The following GPR158 variants were observed in gnomAD, a reference collection of about 807,000 sequenced individuals.
The protein encoded by GPR158 is metabotropic glycine receptor.
A neutral mutation model predicts 78.2 loss-of-function variants in GPR158; 30 were observed. That is an observed-to-expected ratio of 0.38 (90% CI 0.29 to 0.52). GPR158 has a LOEUF of 0.52. Ranked by LOEUF, GPR158 falls within the 20% of genes least tolerant of loss-of-function variation. GPR158 has a pLI of 0.83. For synonymous variants in GPR158, 581 were observed against 591.1 expected (o/e 0.98, Z 0.25); for missense variants, 1,463 against 1,523.5 (o/e 0.96, Z 0.66).
At chr10:25,226,819 T>C (rs1384319325) in intron 2 of GPR158, among the ~76,000 whole-genome samples, 1 of 152,210 alleles carries the variant, frequency 6.6e-6, no homozygotes, top group African/African-American at 2.4e-5. Context: ...CTCTAATGCA[T>C]GGCCATCGCT....
At chr10:25,187,231 C>G (rs961479676) in intron 1 of GPR158, among the ~76,000 whole-genome samples, 3 of 151,804 alleles carry the variant, frequency 2.0e-5, no homozygotes, top group African/African-American at 4.8e-5. Context: ...TCCCAAAGTG[C>G]TGGGATTACA....
chr10:25,381,907 T>A (rs1303048823), intron 2 of GPR158, among the ~76,000 whole-genome samples: 1 of 152,232 alleles, frequency 6.6e-6, no homozygotes. Flanking sequence ...CAGGTCCAAT[T>A]TTTGTTTTTG....
rs566726246 is a variant in GPR158 at position 25,490,500 on chromosome 10, A to T, written c.1404+23781A>T. Among the ~76,000 whole-genome samples, 64 of 117,678 alleles carry T rather than the reference A, an allele frequency of 5.4e-4. No homozygotes were observed. The Middle Eastern group carries it at 0.013, about 25-fold the overall frequency. 77.2% of individuals were successfully genotyped at this position (117,678 alleles called of 152,430 possible). On this transcript the variant is annotated intron_variant, in intron 5 of 10. Coordinates refer to ENST00000376351, the MANE Select transcript of GPR158 (RefSeq NM_020752.3). ...ATATTCCCCTTCCTGTGTCCATGTGATCTCATTGTTCAATTCCCACCTATG... is the reference window on the plus strand; with the variant it reads ...ATATTCCCCTTCCTGTGTCCATGTGTTCTCATTGTTCAATTCCCACCTATG...
At chr10:25,250,907 G>A (rs2130721062) in intron 2 of GPR158, among the ~76,000 whole-genome samples, 1 of 151,734 alleles carries the variant, frequency 6.6e-6, no homozygotes, top group Non-Finnish European at 1.5e-5. Flanking sequence ...AATGTTGACA[G>A]TGGGGTGTTA....
At chr10:25,430,590 C>T (rs968407418) in intron 4 of GPR158, among the ~76,000 whole-genome samples, 7 of 151,100 alleles carry the variant, frequency 4.6e-5, no homozygotes, top group African/African-American at 1.7e-4. Flanking sequence ...CTGGAGGCAT[C>T]ATGCTACCTA....
intron 1 of GPR158, among the ~76,000 whole-genome samples, chr10:25,218,469 C>T (rs1853250473): frequency 6.6e-6 from 1 of 152,176 alleles, no homozygotes; most frequent in African/African-American, 2.4e-5. Flanking sequence ...TAGCCGATGT[C>T]TGAGTAAGCT....
chr10:25,538,340 T>C (rs1836527988), intron 5 of GPR158, among the ~76,000 whole-genome samples: 1 of 152,188 alleles, frequency 6.6e-6, no homozygotes, highest in Non-Finnish European at 1.5e-5. Flanking sequence ...ATTTTCCCCA[T>C]TAGCTTTTAT....
chr10:25,274,160 A>G (rs1854153299), intron 2 of GPR158, among the ~76,000 whole-genome samples: 1 of 152,158 alleles, frequency 6.6e-6, no homozygotes, highest in Non-Finnish European at 1.5e-5. Flanking sequence ...TATTTACACA[A>G]CACCAAAGAT....
chr10:25,237,918 A>C (rs1853546219), intron 2 of GPR158, among the ~76,000 whole-genome samples: 4 of 141,872 alleles, frequency 2.8e-5, no homozygotes, highest in African/African-American at 5.2e-5. Context: ...CTCCTTTTCC[A>C]CCTCCCTCTT....
At chr10:25,470,774 C>T (rs747929487) in intron 5 of GPR158, among the ~76,000 whole-genome samples, 11 of 152,028 alleles carry the variant, frequency 7.2e-5, no homozygotes, top group Admixed American at 2.6e-4. Flanking sequence ...ATCAGATCAC[C>T]TAATAAAGAA....
At chr10:25,385,038 T>C (rs1165359863) in intron 2 of GPR158, among the ~76,000 whole-genome samples, 5 of 152,220 alleles carry the variant, frequency 3.3e-5, no homozygotes, top group African/African-American at 1.2e-4. Flanking sequence ...TAATGTTATT[T>C]ATATTCATTG....
chr10:25,371,958 C>A (rs1833999964), intron 2 of GPR158, among the ~76,000 whole-genome samples: 1 of 150,850 alleles, frequency 6.6e-6, no homozygotes, highest in African/African-American at 2.5e-5. Flanking sequence ...ACCTACTCAT[C>A]TGACAAAGGG....
rs369528441 is a variant in GPR158 at position 25,349,581 on chromosome 10, C to T, written c.1009-46330C>T. Among the ~76,000 whole-genome samples, 93 of 146,530 alleles carry T rather than the reference C, an allele frequency of 6.3e-4. 8 individuals carry two copies. Among genetic ancestry groups the T allele is most frequent in the Admixed American group, 1.1e-3 (16 of 15,028 alleles). On this transcript the variant is annotated intron_variant, in intron 2 of 10. Transcript: ENST00000376351. ...TAGTACTTCCTTTAGCTCTCTCTTT[C>T]CTGCTCCATCATGGCAAGACATGTT...
chr10:25,529,734 C>T (rs1319719448), intron 5 of GPR158, among the ~76,000 whole-genome samples: 1 of 152,180 alleles, frequency 6.6e-6, no homozygotes, highest in Non-Finnish European at 1.5e-5. Context: ...TATGCCTTGG[C>T]CTGAGAAAAG....
intron 2 of GPR158, among the ~76,000 whole-genome samples, chr10:25,380,939 G>A (rs941586083): frequency 3.3e-5 from 5 of 152,194 alleles, no homozygotes; most frequent in Non-Finnish European, 7.3e-5. Context: ...TCTAATCTGG[G>A]CTTCTGCAGT....
chr10:25,404,232 CT>C (rs1834482676), intron 3 of GPR158, among the ~76,000 whole-genome samples: 1 of 152,016 alleles, frequency 6.6e-6, no homozygotes, highest in Non-Finnish European at 1.5e-5. Flanking sequence ...GGTCTCTTGA[CT>C]TTTGGTTTTG....
At chr10:25,387,922 G>T (rs1348346684) in intron 2 of GPR158, among the ~76,000 whole-genome samples, 2 of 152,018 alleles carry the variant, frequency 1.3e-5, no homozygotes, top group African/African-American at 2.4e-5. Flanking sequence ...CTTTTTTATT[G>T]GGAAGTTTTT....
At chr10:25,247,807 T>G (rs1278418398) in intron 2 of GPR158, among the ~76,000 whole-genome samples, 1 of 149,620 alleles carries the variant, frequency 6.7e-6, no homozygotes, top group East Asian at 2.0e-4. Flanking sequence ...GCAGCATGAT[T>G]TATAGTCCTT....
chr10:25,377,938 A>G (rs1834104757), intron 2 of GPR158, among the ~76,000 whole-genome samples: 2 of 152,084 alleles, frequency 1.3e-5, no homozygotes, highest in African/African-American at 4.8e-5. Context: ...TTTAACATTT[A>G]CAGTGACTAC....
Sources: gnomAD v4.1 joint callset for allele counts (sites outside exome capture counted in the v4.1 genomes callset) on GRCh38, gnomAD v4.1.1 for gene constraint, MANE v1.5 for transcripts, NCBI Gene and HGNC (gene_info 2026-07-23, HGNC 2026-07-21) for gene names.